KMT2D: variants seen among roughly 807,000 people sequenced by gnomAD.
KMT2D encodes lysine methyltransferase 2D.
KMT2D carries 55 observed loss-of-function variants against 512.7 expected under a neutral mutation model. That is an observed-to-expected ratio of 0.11 (90% CI 0.09 to 0.13). The LOEUF (loss-of-function observed/expected upper bound fraction) is 0.13, where lower values mean the gene tolerates loss of function less well. Ranked by LOEUF, KMT2D falls within the 10% of genes least tolerant of loss-of-function variation. The probability of loss-of-function intolerance (pLI) is 1.00; values close to 1 mark genes in which losing one functional copy is unlikely to be tolerated. For synonymous variants in KMT2D, 2,995 were observed against 2,904.0 expected, an observed-to-expected ratio of 1.03 and a Z score of -1.01; for missense variants, 6,061 against 7,127.9, an observed-to-expected ratio of 0.85 and a Z score of 5.39.
Position 49,051,285 on chromosome 12 carries a change from G to A in KMT2D, c.2398C>T (p.Gln800Ter), listed in dbSNP as rs2120667297. ...GGGGACAGGTGCAATTCCTCAGGCTGAGGGGACAGATGTGGTCCCTCAGCC... is the reference window on the plus strand; with the variant it reads ...GGGGACAGGTGCAATTCCTCAGGCTAAGGGGACAGATGTGGTCCCTCAGCC... ...PQAEGPHLSP[Q>*]PEELHLSPQT... Residue 800 changes from glutamine (Q) to a stop codon, truncating the protein, a stop_gained, in exon 11 of 55, where the codon CAG (glutamine) becomes TAG (stop). Coordinates refer to ENST00000301067, the MANE Select transcript of KMT2D (RefSeq NM_003482.4). LOFTEE classifies it high-confidence loss of function. 6.4e-7 allele frequency: 1 copy of A among 1,561,976 alleles called. No individual in the cohort carries two copies. Among genetic ancestry groups the A allele is most frequent in the Non-Finnish European group, 8.7e-7 (1 of 1,152,926 alleles).
At chr12:49,048,602 T>C in intron 14 of KMT2D, 57 bp downstream of exon 14, 1 of 1,178,360 alleles carries the variant, frequency 8.5e-7, no homozygotes, top group Non-Finnish European at 1.3e-6. Context: ...CCATCTATCC[T>C]CTCACCAAAC....
In KMT2D at chr12:49,032,501, T is replaced by A. The variant is rs765300020; in HGVS notation, c.12204A>T (p.Ser4068=). The A allele has an allele frequency of 7.0e-6, 11 of 1,576,358 alleles. No homozygotes were observed. The highest frequency in any genetic ancestry group is 3.4e-6 in the Non-Finnish European group (4 of 1,160,924). The change falls in exon 40 of 55, where the codon TCA becomes TCT. Residue 4068 remains serine, a synonymous_variant. Transcript: ENST00000301067. ...GCAGGAGTTGTGAGTCCCCAGAGAG[T>A]GAGGGCTTTACCTCTCCTGGTTCAG... ...MATEPGEVKP[S]LSGDSQLLLV...
chr12:49,034,457 G>A lies in KMT2D; in HGVS notation c.10460C>T (p.Pro3487Leu), dbSNP rs866890852. The change falls in exon 38 of 55, where the codon CCC (proline) becomes CTC (leucine). Residue 3487 changes from proline to leucine, a missense_variant. Pro to Leu is a moderately conservative substitution (Grantham distance 98). Coordinates refer to ENST00000301067, the MANE Select transcript of KMT2D (RefSeq NM_003482.4). ...GSGQERSAGD[P>L]SQPRPNPPTF... ...GGGCGGGTTGGGACGAGGCTGGGAGGGATCACCAGCACTCCGCTCCTGCAA... is the reference window on the plus strand; with the variant it reads ...GGGCGGGTTGGGACGAGGCTGGGAGAGATCACCAGCACTCCGCTCCTGCAA... 6 of 1,613,728 alleles carry A rather than the reference G, an allele frequency of 3.7e-6. No individual in the cohort carries two copies. Among genetic ancestry groups the A allele is most frequent in the Non-Finnish European group, 5.1e-6 (6 of 1,179,808 alleles).
Position 49,039,405 on chromosome 12 carries a change from G to T in KMT2D, c.8229+30C>A, listed in dbSNP as rs778370237. The stretch of plus-strand genomic sequence containing the variant: ...AAGGTGGAGCAACCTTCAATATCCT[G>T]GCCCCACTATCCCTTGCCACTCTAC... On this transcript the variant is annotated intron_variant, in intron 33 of 54. Transcript: ENST00000301067. This position sits in a 1 kb window ranked among gnomAD's most constrained non-coding sequence, Gnocchi z 5.0. The T allele has an allele frequency of 3.7e-6, 6 of 1,604,286 alleles. No individual in the cohort carries two copies. The African/African-American group carries it at 8.0e-5, about 21-fold the overall frequency.
chr12:49,045,269 G>A (rs1380996677), intron 19 of KMT2D, among the ~76,000 whole-genome samples: 1 of 152,162 alleles, frequency 6.6e-6, no homozygotes, highest in East Asian at 1.9e-4. Flanking sequence ...CTTGCTGAAT[G>A]CCAGCACACA....
At chr12:49,025,071 G>C (rs898597643) in intron 49 of KMT2D, 125 bp from the exon 50 acceptor site, 20 of 1,140,326 alleles carry the variant, frequency 1.8e-5, no homozygotes, top group Middle Eastern at 2.9e-4. Flanking sequence ...AAGTTGTGTT[G>C]GTCTTCCAGA....
At chr12:49,055,929 C>G (rs184613763) in intron 1 of KMT2D, among the ~76,000 whole-genome samples, 1 of 152,190 alleles carries the variant, frequency 6.6e-6, no homozygotes, top group Non-Finnish European at 1.5e-5. Context: ...CTTGTTTCTA[C>G]GAGGACATCA....
chr12:49,052,774 C>T (rs1938155639), intron 9 of KMT2D, 65 bp from the exon 10 acceptor site: 5 of 1,593,528 alleles, frequency 3.1e-6, no homozygotes, highest in Admixed American at 3.4e-5. Flanking sequence ...AGAGAGCACA[C>T]TGGGGGGAGG....
At chr12:49,030,553 C>T (rs1467411628) in intron 42 of KMT2D, 48 bp downstream of exon 42, 3 of 1,520,734 alleles carry the variant, frequency 2.0e-6, no homozygotes, top group Non-Finnish European at 1.8e-6. Flanking sequence ...CCACCCTCAC[C>T]TTCCCAAGAA....
rs1405450331 is a variant in KMT2D at position 49,050,304 on chromosome 12, G to A, written c.3284C>T (p.Pro1095Leu). Residue 1095 changes from proline (P) to leucine (L), a missense_variant, in exon 12 of 55, where the codon CCT (proline) becomes CTT (leucine). Around this residue, in one of 16 missense-constraint regions of KMT2D, gnomAD observed 447 missense variants for 500.1 expected, o/e 0.89. Coordinates refer to ENST00000301067, the MANE Select transcript of KMT2D (RefSeq NM_003482.4). The part of the protein sequence containing the change: ...ALEPSATSPL[P>L]SPMGDLSCPA... ...GCAGGAAAGGTCCCCCATTGGGGAA[G>A]GGAGAGGACTGGTGGCACTGGGTTC... is the stretch of plus-strand genomic sequence containing the variant. The A allele has an allele frequency of 6.2e-7, 1 of 1,611,544 alleles. No individual in the cohort carries two copies. Among genetic ancestry groups the A allele is most frequent in the South Asian group, 1.1e-5 (1 of 90,652 alleles).
chr12:49,033,411 G>A lies in KMT2D; in HGVS notation c.11294C>T (p.Thr3765Ile). Residue 3765 changes from threonine (T) to isoleucine (I), a missense_variant, in exon 40 of 55, where the codon ACA becomes ATA. This residue lies in a region of KMT2D where 1,600 missense variants were observed against 1,754.9 expected (regional missense o/e 0.91). Transcript: ENST00000301067. ...GGGCTTGGGACCCAGAGCTTGGTTT[G>A]TCTGTACTCCAGGACCCTGCTGCTG... ...QQQQQGPGVQ[T>I]NQALGPKPQG... 2 of 1,575,394 alleles carry A rather than the reference G, an allele frequency of 1.3e-6. No homozygotes were observed. The highest frequency in any genetic ancestry group is 1.7e-6 in the Non-Finnish European group (2 of 1,160,562).
In KMT2D at chr12:49,054,200, G is replaced by A. The variant is rs2120705875; in HGVS notation, c.511-60C>T. The A allele has an allele frequency of 6.5e-7, 1 of 1,540,502 alleles. No homozygotes were observed. Among genetic ancestry groups the A allele is most frequent in the Non-Finnish European group, 8.8e-7 (1 of 1,138,262 alleles). ...AGCTCTCCCCAGACAAACAGTTCAG[G>A]CACTAGCTCTGCCCCAGTATACCCA... On this transcript the variant is annotated intron_variant, in intron 5 of 54. Coordinates refer to ENST00000301067, the MANE Select transcript of KMT2D (RefSeq NM_003482.4). The surrounding 1 kb of genome is among the most constrained non-coding windows in gnomAD (Gnocchi z 6.4).
chr12:49,045,894 T>G lies in KMT2D; in HGVS notation c.4741+26A>C, dbSNP rs776711240. Reference sequence around the variant, plus strand: ...TGATGTCCGACGTCTGGTCTGGCTTTGGCATTCAAAATTTCTGTGACTCAC... The same window carrying G: ...TGATGTCCGACGTCTGGTCTGGCTTGGGCATTCAAAATTTCTGTGACTCAC... On this transcript the variant is annotated intron_variant, in intron 19 of 54. Coordinates refer to ENST00000301067, the MANE Select transcript of KMT2D (RefSeq NM_003482.4). The G allele has an allele frequency of 1.9e-6, 3 of 1,584,276 alleles. No homozygotes were observed. The South Asian group carries it at 3.3e-5, about 18-fold the overall frequency.
Position 49,039,216 on chromosome 12 carries a change from C to A in KMT2D, c.8366+6G>T, listed in dbSNP as rs749728191. On this transcript the variant is annotated splice_donor_region_variant and intron_variant, in intron 34 of 54. Transcript: ENST00000301067. The surrounding 1 kb of genome is among the most constrained non-coding windows in gnomAD (Gnocchi z 5.0). ...TTTACCCCCAGGGAACCTCCTGGAGCCTCACCGGCTGTTCACATCCATAGA... is the reference window on the plus strand; with the variant it reads ...TTTACCCCCAGGGAACCTCCTGGAGACTCACCGGCTGTTCACATCCATAGA... 6.2e-6 allele frequency: 10 copies of A among 1,613,476 alleles called. No homozygotes were observed. The Admixed American group carries it at 1.5e-4, about 24-fold the overall frequency.
In KMT2D at chr12:49,043,157, G is replaced by A. The variant is rs1943618325; in HGVS notation, c.5563C>T (p.Pro1855Ser). Reference sequence around the variant, plus strand: ...GGCTTCTCAGGGTCACTGGGCACTGGGGATGCCTTCACGCCCCCATCCTCA... The same window carrying A: ...GGCTTCTCAGGGTCACTGGGCACTGAGGATGCCTTCACGCCCCCATCCTCA... ...GPEDGGVKAS[P>S]VPSDPEKPGT... Residue 1855 changes from proline (P) to serine (S), a missense_variant, in exon 26 of 55, where the codon CCA becomes TCA. Transcript: ENST00000301067. 1 of 1,613,884 alleles carries A rather than the reference G, an allele frequency of 6.2e-7. No homozygotes were observed.
At position 49,044,240 on chromosome 12, in the gene KMT2D, T is replaced by C. The variant is rs2120580108; in HGVS notation, c.5148A>G (p.Ala1716=). The change falls in exon 22 of 55, where the codon GCA becomes GCG. Residue 1716 remains alanine, a synonymous_variant. Transcript: ENST00000301067. The surrounding 1 kb of genome is among the most constrained non-coding windows in gnomAD (Gnocchi z 6.4). ...SHTRTKKGPA[A]QAEVLSGDGQ... Reference sequence around the variant, plus strand: ...CATCCCCACTCAACACCTCCGCCTGTGCAGCAGGCCCCTTTTTCGTGCGTG... The same window carrying C: ...CATCCCCACTCAACACCTCCGCCTGCGCAGCAGGCCCCTTTTTCGTGCGTG... 2 of 1,612,538 alleles carry C rather than the reference T, an allele frequency of 1.2e-6. No individual in the cohort carries two copies. The highest frequency in any genetic ancestry group is 2.2e-5 in the South Asian group (2 of 91,022).
chr12:49,039,289 G>C lies in KMT2D; in HGVS notation c.8299C>G (p.Pro2767Ala). 1 of 1,613,764 alleles carries C rather than the reference G, an allele frequency of 6.2e-7. No individual in the cohort carries two copies. The highest frequency in any genetic ancestry group is 8.5e-7 in the Non-Finnish European group (1 of 1,179,876). Reference protein sequence around the residue: ...SGPILGPGSFPSDDRLSRPPP... With the variant: ...SGPILGPGSFASDDRLSRPPP... ...GGCCGGGAGAGTCGGTCATCGCTAG[G>C]GAAGGACCCTGGCCCCAGGATGGGG... The change falls in exon 34 of 55, where the codon CCT becomes GCT. Residue 2767 changes from proline (P) to alanine (A), a missense_variant. Around this residue, in one of 16 missense-constraint regions of KMT2D, gnomAD observed 527 missense variants for 578.9 expected, o/e 0.91. Transcript: ENST00000301067. The surrounding 1 kb of genome is among the most constrained non-coding windows in gnomAD (Gnocchi z 5.0).
In KMT2D at chr12:49,050,197, G is replaced by A. The variant is rs777323898; in HGVS notation, c.3391C>T (p.Pro1131Ser). Residue 1131 changes from proline (P) to serine (S), a missense_variant, in exon 12 of 55, where the codon CCG (proline) becomes TCG (serine). By Grantham distance (74) the Pro-to-Ser change is moderately conservative (BLOSUM62 -1). This residue lies in a region of KMT2D where 447 missense variants were observed against 500.1 expected (regional missense o/e 0.89). Coordinates refer to ENST00000301067, the MANE Select transcript of KMT2D (RefSeq NM_003482.4). ...DTAPLDGIDA[P>S]GSQPEPGQTP... ...TGTCCAGGCTCTGGCTGTGAACCCG[G>A]AGCATCAATCCCATCCAGAGGGGCT... is the stretch of plus-strand genomic sequence containing the variant. 2 of 1,613,802 alleles carry A rather than the reference G, an allele frequency of 1.2e-6. 1 individual carries two copies. The highest frequency in any genetic ancestry group is 2.2e-5 in the South Asian group (2 of 91,074).
chr12:49,043,508 C>A, intron 24 of KMT2D, 80 bp from the exon 25 acceptor site: 3 of 1,591,952 alleles, frequency 1.9e-6, no homozygotes, highest in Non-Finnish European at 2.6e-6. Context: ...CACAGCCCTA[C>A]AGGCCAGGAC....
Sources: allele counts gnomAD v4.1 joint callset (sites outside exome capture counted in the v4.1 genomes callset), GRCh38; gene constraint gnomAD v4.1.1; regional missense constraint gnomAD v4.1.1; non-coding constraint Gnocchi (gnomAD v3.1); transcripts MANE v1.5; gene names NCBI Gene and HGNC (gene_info 2026-07-23, HGNC 2026-07-21).